The following MIPEP variants were observed in gnomAD, a reference collection of about 807,000 sequenced individuals.
MIPEP encodes mitochondrial intermediate peptidase.
In MIPEP, 79 loss-of-function variants were observed where a neutral mutation model predicts 90.3. That is an observed-to-expected ratio of 0.87 (90% CI 0.73 to 1.05). The LOEUF (loss-of-function observed/expected upper bound fraction) is 1.05. Ranked by LOEUF, MIPEP falls within the 50% of genes least tolerant of loss-of-function variation. The pLI is 0.00. For missense variants in MIPEP, 940 were observed against 905.6 expected (o/e 1.04, Z -0.49); for synonymous variants, 334 against 315.8 (o/e 1.06, Z -0.61).
rs1165109530 is a variant in MIPEP at position 23,858,869 on chromosome 13, C to T, written c.1097G>A (p.Arg366His). 1.2e-5 allele frequency: 19 copies of T among 1,613,390 alleles called. No individual in the cohort carries two copies. Among genetic ancestry groups the T allele is most frequent in the African/African-American group, 2.7e-5 (2 of 74,850 alleles). The change falls in exon 10 of 19, where the codon CGT (arginine) becomes CAT (histidine). Residue 366 changes from arginine to histidine, a missense_variant. Physicochemically the swap from Arg to His is conservative, Grantham distance 29 (BLOSUM62 0). Transcript: ENST00000382172. ...WDPPYYSGVI[R>H]AERYNIEPSL... ...TTCTTGAAAAACTTACCTTTCTGCA[C>T]GAATCACACCACTGTAGTAAGGGGG...
At chr13:23,866,796 C>T (rs1870558477) in intron 7 of MIPEP, among the ~76,000 whole-genome samples, 1 of 152,172 alleles carries the variant, frequency 6.6e-6, no homozygotes, top group Non-Finnish European at 1.5e-5. Context: ...CTCCACACTC[C>T]ATCTAACTGC....
chr13:23,800,715 C>G (rs1270405355), intron 16 of MIPEP, among the ~76,000 whole-genome samples: 1 of 152,164 alleles, frequency 6.6e-6, no homozygotes, highest in African/African-American at 2.4e-5. Context: ...GGAGCTGCCC[C>G]TATTAAATAG....
intron 18 of MIPEP, among the ~76,000 whole-genome samples, chr13:23,736,726 G>A (rs1299228958): frequency 2.0e-5 from 3 of 152,076 alleles, no homozygotes; most frequent in Non-Finnish European, 4.4e-5. Flanking sequence ...CCTAGACGGG[G>A]CTCATCAGAG....
At chr13:23,798,244 AC>A (rs1952985977) in intron 16 of MIPEP, among the ~76,000 whole-genome samples, 1 of 152,266 alleles carries the variant, frequency 6.6e-6, no homozygotes, top group South Asian at 2.1e-4. Context: ...GGAGTGTCTG[AC>A]TAAATTCAGC....
chr13:23,875,530 C>CTT (rs548725844), intron 4 of MIPEP, among the ~76,000 whole-genome samples: 42 of 142,190 alleles, frequency 3.0e-4, no homozygotes, highest in African/African-American at 4.1e-4. Flanking sequence ...AGTGTAACAC[C>CTT]TTTTTTTTTT....
At chr13:23,870,282 C>A (rs1402220745) in intron 5 of MIPEP, 87 bp from the exon 6 acceptor site, 2 of 806,006 alleles carry the variant, frequency 2.5e-6, no homozygotes, top group Non-Finnish European at 3.6e-6. Context: ...TATGTCAAAT[C>A]AACATATATA....
chr13:23,743,795 A>G (rs1313621256), intron 18 of MIPEP, among the ~76,000 whole-genome samples: 1 of 152,196 alleles, frequency 6.6e-6, no homozygotes, highest in Non-Finnish European at 1.5e-5. Context: ...CACATTAAAC[A>G]CGCACACACC....
intron 14 of MIPEP, among the ~76,000 whole-genome samples, chr13:23,828,111 G>GA (rs1457321573): frequency 6.6e-6 from 1 of 152,096 alleles, no homozygotes; most frequent in Non-Finnish European, 1.5e-5. Context: ...AAAGATGCAG[G>GA]AAAAAACTAT....
intron 18 of MIPEP, among the ~76,000 whole-genome samples, chr13:23,754,694 G>A (rs1454166006): frequency 6.6e-6 from 1 of 152,130 alleles, no homozygotes; most frequent in East Asian, 1.9e-4. Flanking sequence ...ATGTTGAGGT[G>A]TAGCAGCATG....
rs893796981 is a variant in MIPEP, at chr13:23,763,329, A to G, written c.1849-3112T>C. ...TGCTGTTTTAATCTGATACTCCAAC[A>G]AGATACGAGCACTTGTACTACTGAT... On this transcript the variant is annotated intron_variant, in intron 16 of 18. Transcript: ENST00000382172. 7.9e-5 allele frequency among the ~76,000 whole-genome samples: 12 copies of G among 152,224 alleles called. 1 individual carries two copies. Among genetic ancestry groups the G allele is most frequent in the Admixed American group, 3.3e-4 (5 of 15,282 alleles).
intron 18 of MIPEP, among the ~76,000 whole-genome samples, chr13:23,748,047 T>C (rs1434627058): frequency 6.6e-6 from 1 of 151,524 alleles, no homozygotes; most frequent in Non-Finnish European, 1.5e-5. Flanking sequence ...CCTGTTTTGT[T>C]TTGTTTTGAG....
intron 16 of MIPEP, among the ~76,000 whole-genome samples, chr13:23,797,284 A>G (rs1952973005): frequency 6.6e-6 from 1 of 152,006 alleles, no homozygotes; most frequent in African/African-American, 2.4e-5. Context: ...AATGACTCCC[A>G]AATCTACAGA....
At chr13:23,867,665 T>C (rs1870602843) in intron 7 of MIPEP, among the ~76,000 whole-genome samples, 1 of 152,200 alleles carries the variant, frequency 6.6e-6, no homozygotes, top group South Asian at 2.1e-4. Flanking sequence ...TGACATACAG[T>C]GGGCAATCAG....
At chr13:23,884,479 G>T (rs1383786292) in intron 2 of MIPEP, among the ~76,000 whole-genome samples, 3 of 152,216 alleles carry the variant, frequency 2.0e-5, no homozygotes, top group Admixed American at 6.5e-5. Flanking sequence ...TGAAATGGTT[G>T]GAACAGGAGA....
intron 10 of MIPEP, among the ~76,000 whole-genome samples, chr13:23,857,793 T>C (rs1352713300): frequency 6.6e-6 from 1 of 152,170 alleles, no homozygotes; most frequent in African/African-American, 2.4e-5. Flanking sequence ...GAAAAGAATA[T>C]AGAAAGTTAT....
intron 10 of MIPEP, among the ~76,000 whole-genome samples, chr13:23,843,464 A>T (rs915957854): frequency 6.6e-6 from 1 of 152,238 alleles, no homozygotes. Flanking sequence ...TAGTACACTC[A>T]TAAAGTATAT....
intron 10 of MIPEP, among the ~76,000 whole-genome samples, chr13:23,846,473 G>GTTTTGGA (rs1197613928): frequency 6.6e-6 from 1 of 152,084 alleles, no homozygotes; most frequent in Non-Finnish European, 1.5e-5. Context: ...CTTGGGATAT[G>GTTTTGGA]TTTTGGATTT....
rs775832425 is a variant in MIPEP, at chr13:23,778,910, T to C, written c.1849-18693A>G. 2.7e-4 allele frequency among the ~76,000 whole-genome samples: 41 copies of C among 152,326 alleles called. 1 individual carries two copies. The highest frequency in any genetic ancestry group is 5.4e-4 in the Non-Finnish European group (37 of 68,034). ...TACAGTATGCCTGAATTATCCATCA[T>C]ATCTGATTAATCTCACTCTCCTCAG... On this transcript the variant is annotated intron_variant, in intron 16 of 18. Coordinates refer to ENST00000382172, the MANE Select transcript of MIPEP (RefSeq NM_005932.4).
chr13:23,769,079 G>C (rs1952622583), intron 16 of MIPEP, among the ~76,000 whole-genome samples: 1 of 152,106 alleles, frequency 6.6e-6, no homozygotes, highest in South Asian at 2.1e-4. Context: ...CTTTAACATT[G>C]CTTTTTCTCT....
Sources: allele counts gnomAD v4.1 joint callset (sites outside exome capture counted in the v4.1 genomes callset), GRCh38; gene constraint gnomAD v4.1.1; transcripts MANE v1.5; gene names NCBI Gene and HGNC (gene_info 2026-07-23, HGNC 2026-07-21).